WDR31: variants seen among roughly 807,000 people sequenced by gnomAD.
WDR31 encodes WD repeat domain 31.
Under a neutral mutation model 47.3 loss-of-function variants are expected in WDR31, and 30 were observed. The ratio of observed to expected loss-of-function variants is 0.63; its 90% CI spans 0.47 to 0.86. WDR31 has a LOEUF of 0.86. Ranked by LOEUF, WDR31 falls within the 40% of genes least tolerant of loss-of-function variation. The pLI, the probability that WDR31 is intolerant of heterozygous loss-of-function variation, is 0.00. For missense variants in WDR31, 406 were observed against 442.9 expected, an observed-to-expected ratio of 0.92 and a Z score of 0.75; for synonymous variants, 137 against 159.4, an observed-to-expected ratio of 0.86 and a Z score of 1.06.
At chr9:113,320,725 T>A (rs2118783952) in intron 8 of WDR31, among the ~76,000 whole-genome samples, 1 of 152,358 alleles carries the variant, frequency 6.6e-6, no homozygotes, top group Middle Eastern at 3.4e-3. Context: ...TATTTTGAGA[T>A]CAGTTAATAG....
At chr9:113,323,200 T>C (rs1833372344) in intron 5 of WDR31, 45 bp from the exon 6 acceptor site, 2 of 1,588,788 alleles carry the variant, frequency 1.3e-6, no homozygotes, top group Admixed American at 1.8e-5. Context: ...TCTGGTATGC[T>C]AGTTGGACTG....
At chr9:113,335,657 C>T (rs1833701159) in intron 2 of WDR31, among the ~76,000 whole-genome samples, 1 of 152,122 alleles carries the variant, frequency 6.6e-6, no homozygotes, top group Non-Finnish European at 1.5e-5. Context: ...AATTGACTTC[C>T]TGACGAGAAT....
intron 2 of WDR31, among the ~76,000 whole-genome samples, chr9:113,332,962 C>T (rs1055911954): frequency 3.3e-5 from 5 of 152,208 alleles, no homozygotes; most frequent in African/African-American, 1.2e-4. Flanking sequence ...GCCTGCTCTC[C>T]TTTGCCTACT....
intron 10 of WDR31, among the ~76,000 whole-genome samples, chr9:113,317,264 G>A (rs1028773223): frequency 1.3e-5 from 2 of 152,210 alleles, no homozygotes; most frequent in Non-Finnish European, 2.9e-5. Context: ...TTTAGCTGCT[G>A]GCTTCCTGGG....
At chr9:113,329,010 A>T in intron 4 of WDR31, 55 bp from the exon 5 acceptor site, 1 of 1,449,094 alleles carries the variant, frequency 6.9e-7, no homozygotes, top group Non-Finnish European at 9.7e-7. Flanking sequence ...AAGTGACACT[A>T]GCCTCTACTG....
chr9:113,328,776 C>T, intron 5 of WDR31, 105 bp downstream of exon 5: 2 of 985,802 alleles, frequency 2.0e-6, no homozygotes. Flanking sequence ...CAAACCTTTG[C>T]ATTTTTCCTT....
intron 3 of WDR31, 80 bp downstream of exon 3, chr9:113,331,827 C>T (rs772771840): frequency 3.5e-5 from 47 of 1,340,472 alleles, no homozygotes; most frequent in Non-Finnish European, 5.0e-5. Context: ...TCAACATTCG[C>T]CCTGGGCCTT....
Position 113,316,377 on chromosome 9 carries a change from G to A in WDR31, c.*372C>T, listed in dbSNP as rs868604185. On this transcript the variant is annotated 3_prime_UTR_variant, in exon 11 of 11. Transcript: ENST00000374193. ...TTTCTTTTGTAAAGACTTGCAAAGG[G>A]TCAGTTCCAGAGGCTCGAGCCCTGT... The A allele has an allele frequency of 5.8e-6, 1 of 171,690 alleles. No individual in the cohort carries two copies. The highest frequency in any genetic ancestry group is 1.8e-4 in the South Asian group (1 of 5,620). The allele number at this position is 171,690 out of a possible 1,614,324, so 10.6% of individuals were successfully genotyped here.
At chr9:113,321,405 G>A (rs1178208377) in intron 8 of WDR31, 106 bp downstream of exon 8, 1 of 1,159,706 alleles carries the variant, frequency 8.6e-7, no homozygotes, top group Non-Finnish European at 1.3e-6. Flanking sequence ...AGAAGGCTCT[G>A]GGAAGGGCAG....
At chr9:113,327,075 A>G (rs1325406897) in intron 5 of WDR31, among the ~76,000 whole-genome samples, 1 of 152,154 alleles carries the variant, frequency 6.6e-6, no homozygotes, top group Non-Finnish European at 1.5e-5. Flanking sequence ...GGCTCAAGCA[A>G]TCCTCCTGCC....
Position 113,331,888 on chromosome 9 carries a change from CA to C in WDR31, c.116+18del, listed in dbSNP as rs1564311756. Reference sequence around the variant, plus strand: ...TGGGGCATGATAAAACCTGGGCTCCCAGGGGAGGATTGCAGTACCCGTATTT... The same window carrying C: ...TGGGGCATGATAAAACCTGGGCTCCCGGGGAGGATTGCAGTACCCGTATTT... On this transcript the variant is annotated intron_variant, in intron 3 of 10. Coordinates refer to ENST00000374193, the MANE Select transcript of WDR31 (RefSeq NM_001012361.4). 1 of 1,610,710 alleles carries C rather than the reference CA, an allele frequency of 6.2e-7. No individual in the cohort carries two copies.
intron 9 of WDR31, among the ~76,000 whole-genome samples, chr9:113,319,951 T>C (rs1260282676): frequency 6.6e-6 from 1 of 152,192 alleles, no homozygotes; most frequent in Non-Finnish European, 1.5e-5. Context: ...GTTTCTTTTA[T>C]TTTCTTTCTT....
chr9:113,323,285 G>A (rs1440625744), intron 5 of WDR31, 130 bp from the exon 6 acceptor site: 19 of 1,186,494 alleles, frequency 1.6e-5, no homozygotes, highest in Admixed American at 5.6e-5. Context: ...TTTTTGAGAC[G>A]GAGTCTCACT....
intron 4 of WDR31, 124 bp downstream of exon 4, chr9:113,330,860 T>C: frequency 1.8e-6 from 2 of 1,141,590 alleles, no homozygotes; most frequent in South Asian, 4.6e-5. Context: ...TCTTTCTAAC[T>C]CTAAAGCCAA....
chr9:113,336,181 G>A (rs1427886983), intron 2 of WDR31, 107 bp downstream of exon 2: 2 of 152,162 alleles, frequency 1.3e-5, no homozygotes, highest in African/African-American at 4.8e-5. Flanking sequence ...GCTATAAATG[G>A]ATTAGCTCTG....
In WDR31 at chr9:113,316,826, T is replaced by C. The variant is rs762818471; in HGVS notation, c.1027A>G (p.Ser343Gly). The C allele has an allele frequency of 5.8e-5, 94 of 1,613,968 alleles. No individual in the cohort carries two copies. The highest frequency in any genetic ancestry group is 7.8e-5 in the Non-Finnish European group (92 of 1,180,028). Residue 343 changes from serine to glycine, a missense_variant, in exon 11 of 11, where the codon AGT (serine) becomes GGT (glycine). Physicochemically the swap from Ser to Gly is moderately conservative, Grantham distance 56. Transcript: ENST00000374193. ...VGDAISLLCA[S>G]FNRGIHLLRM... ...AGTAAGTGAATTCCTCTGTTAAAAC[T>C]TGCACACAATAAGGAGATGGCGTCA...
chr9:113,323,142 G>T lies in WDR31; in HGVS notation c.338C>A (p.Pro113His). 6.2e-7 allele frequency: 1 copy of T among 1,613,778 alleles called. No homozygotes were observed. Among genetic ancestry groups the T allele is most frequent in the Non-Finnish European group, 8.5e-7 (1 of 1,179,890 alleles). Residue 113 changes from proline to histidine, a missense_variant, in exon 6 of 11, where the codon CCC (proline) becomes CAC (histidine). Coordinates refer to ENST00000374193, the MANE Select transcript of WDR31 (RefSeq NM_001012361.4). ...EHEITKVACIPKSSQFFSASR... is the reference protein window; with the variant it reads ...EHEITKVACIHKSSQFFSASR... Reference sequence around the variant, plus strand: ...GGCACTGAAGAACTGGCTGGATTTGGGAATACAGGCTACCTGCTCAGGGAA... The same window carrying T: ...GGCACTGAAGAACTGGCTGGATTTGTGAATACAGGCTACCTGCTCAGGGAA...
chr9:113,322,808 T>C lies in WDR31; in HGVS notation c.570+3A>G, dbSNP rs1375296037. 2 of 1,614,032 alleles carry C rather than the reference T, an allele frequency of 1.2e-6. No homozygotes were observed. Among genetic ancestry groups the C allele is most frequent in the Non-Finnish European group, 1.7e-6 (2 of 1,179,960 alleles). The stretch of plus-strand genomic sequence containing the variant: ...CTGTTCTGTACCAAGTTTGAGTTCA[T>C]ACCACGTTCCTGGAGACAGATGCTC... On this transcript the variant is annotated splice_donor_region_variant and intron_variant, in intron 7 of 10. Coordinates refer to ENST00000374193, the MANE Select transcript of WDR31 (RefSeq NM_001012361.4).
intron 5 of WDR31, among the ~76,000 whole-genome samples, chr9:113,327,878 C>T (rs935993030): frequency 2.0e-5 from 3 of 152,232 alleles, no homozygotes; most frequent in East Asian, 3.9e-4. Context: ...CTTGAACCTG[C>T]GAGATGGAGG....
Sources: gnomAD v4.1 joint callset for allele counts (sites outside exome capture counted in the v4.1 genomes callset) on GRCh38, gnomAD v4.1.1 for gene constraint, MANE v1.5 for transcripts, NCBI Gene and HGNC (gene_info 2026-07-23, HGNC 2026-07-21) for gene names.